Variants in TMOD2 observed in about 807,000 individuals in gnomAD.
The protein encoded by TMOD2 is tropomodulin 2, also known as tropomodulin-2.
TMOD2 carries 22 observed loss-of-function variants against 39.9 expected under a neutral mutation model. The ratio of observed to expected loss-of-function variants is 0.55; its 90% confidence interval spans 0.39 to 0.79. The LOEUF (loss-of-function observed/expected upper bound fraction) is 0.79, where lower values mean the gene tolerates loss of function less well. Ranked by LOEUF, TMOD2 falls within the 30% of genes least tolerant of loss-of-function variation. The probability of loss-of-function intolerance (pLI) is 0.00; values close to 1 mark genes in which losing one functional copy is unlikely to be tolerated. For synonymous variants in TMOD2, 123 were observed against 146.1 expected, an observed-to-expected ratio of 0.84 and a Z score of 1.14; for missense variants, 386 against 413.3, an observed-to-expected ratio of 0.93 and a Z score of 0.57.
intron 1 of TMOD2, among the ~76,000 whole-genome samples, chr15:51,762,385 A>G (rs567781508): frequency 6.6e-6 from 1 of 152,228 alleles, no homozygotes; most frequent in African/African-American, 2.4e-5. Flanking sequence ...CTTGAGCCCA[A>G]GAGGTCAAGG....
chr15:51,777,219 G>A (rs1020838643), intron 5 of TMOD2, among the ~76,000 whole-genome samples: 1 of 152,150 alleles, frequency 6.6e-6, no homozygotes, highest in Non-Finnish European at 1.5e-5. Flanking sequence ...ATCAGTGTGT[G>A]TTGCCCAGAA....
At chr15:51,802,331 T>G (rs1371755070) in intron 8 of TMOD2, among the ~76,000 whole-genome samples, 5 of 152,340 alleles carry the variant, frequency 3.3e-5, no homozygotes, top group Non-Finnish European at 5.9e-5. Context: ...GTTTCACTAC[T>G]TTGCCAGAAT....
chr15:51,764,832 A>T (rs2055805837), intron 1 of TMOD2, among the ~76,000 whole-genome samples: 1 of 152,114 alleles, frequency 6.6e-6, no homozygotes, highest in South Asian at 2.1e-4. Context: ...TCAATGTTCA[A>T]ACACAGCCTC....
At chr15:51,801,231 T>TCA (rs1182352451) in intron 8 of TMOD2, among the ~76,000 whole-genome samples, 17 of 97,418 alleles carry the variant, frequency 1.7e-4, no homozygotes, top group African/African-American at 6.9e-4. Context: ...TCTCTCTCTC[T>TCA]CTCTCTCACA....
intron 7 of TMOD2, chr15:51,783,805 G>A (rs1451585545): frequency 6.6e-6 from 1 of 151,500 alleles, no homozygotes; most frequent in Non-Finnish European, 1.5e-5. Flanking sequence ...AAGAAAAATA[G>A]CCAACTAAAA....
chr15:51,769,281 C>A (rs1465541274), intron 3 of TMOD2, among the ~76,000 whole-genome samples: 1 of 152,156 alleles, frequency 6.6e-6, no homozygotes, highest in African/African-American at 2.4e-5. Flanking sequence ...TGGTGCTTTA[C>A]CAACTTCAGA....
chr15:51,789,851 T>G (rs1220866678), intron 7 of TMOD2, among the ~76,000 whole-genome samples: 1 of 152,208 alleles, frequency 6.6e-6, no homozygotes, highest in Non-Finnish European at 1.5e-5. Flanking sequence ...CTGGGACACA[T>G]TTAAAGCAGT....
chr15:51,806,508 G>A lies in TMOD2; in HGVS notation c.1008G>A (p.Lys336=). The A allele has an allele frequency of 6.2e-7, 1 of 1,614,190 alleles. No homozygotes were observed. Among genetic ancestry groups the A allele is most frequent in the East Asian group, 2.2e-5 (1 of 44,884 alleles). The change falls in exon 9 of 10, where the codon AAG becomes AAA. Residue 336 remains lysine, a synonymous_variant. Transcript: ENST00000249700. ...CAAGGGTGGCAGCTGCCATCACAAA[G>A]AATAATGACCTGGGTAATTCAGCCA... ...PRTRVAAAIT[K]NNDLVRKKRV...
intron 1 of TMOD2, among the ~76,000 whole-genome samples, chr15:51,763,139 G>A (rs1332405694): frequency 6.6e-6 from 1 of 151,824 alleles, no homozygotes; most frequent in Non-Finnish European, 1.5e-5. Flanking sequence ...GGGTCTCACT[G>A]TGTTGCCCAG....
chr15:51,795,577 GCTTTCTTTCTTTCTTTCTTT>G lies in TMOD2; in HGVS notation c.733-2577_733-2558del, dbSNP rs202116010. Among the ~76,000 whole-genome samples, 344 of 42,068 alleles carry G rather than the reference GCTTTCTTTCTTTCTTTCTTT, an allele frequency of 8.2e-3. 5 individuals carry two copies. The highest frequency in any genetic ancestry group is 0.055 in the East Asian group (131 of 2,362). 27.6% of individuals were successfully genotyped at this position (42,068 alleles called of 152,430 possible). ...CTTCTTCTCTTCTGCTTGCTTGCTT[GCTTTCTTTCTTTCTTTCTTT>G]CTTTCTTTCTTTCTTTCTTTCTTTC... is the stretch of plus-strand genomic sequence containing the variant. On this transcript the variant is annotated intron_variant, in intron 7 of 9. Coordinates refer to ENST00000249700, the MANE Select transcript of TMOD2 (RefSeq NM_014548.4).
At chr15:51,775,637 G>A (rs958096560) in intron 4 of TMOD2, among the ~76,000 whole-genome samples, 2 of 135,238 alleles carry the variant, frequency 1.5e-5, no homozygotes, top group Non-Finnish European at 3.1e-5. Context: ...GAGTACAGTG[G>A]CACAATCTCG....
intron 7 of TMOD2, among the ~76,000 whole-genome samples, chr15:51,785,137 G>A (rs570138629): frequency 1.3e-5 from 2 of 152,156 alleles, no homozygotes; most frequent in Non-Finnish European, 2.9e-5. Context: ...TTTGGGCCGG[G>A]CGCGGTGGCT....
intron 4 of TMOD2, among the ~76,000 whole-genome samples, chr15:51,775,769 G>T (rs1411782787): frequency 1.3e-5 from 2 of 151,604 alleles, no homozygotes; most frequent in African/African-American, 4.8e-5. Flanking sequence ...GTAGAGACGG[G>T]GCTTCGCCAT....
At chr15:51,792,794 C>A (rs2056021653) in intron 7 of TMOD2, among the ~76,000 whole-genome samples, 6 of 152,120 alleles carry the variant, frequency 3.9e-5, no homozygotes, top group Admixed American at 3.9e-4. Context: ...TGTTCTCACT[C>A]ATAAGTGGGA....
intron 3 of TMOD2, among the ~76,000 whole-genome samples, chr15:51,772,158 G>C (rs2055857853): frequency 6.6e-6 from 1 of 152,170 alleles, no homozygotes; most frequent in Non-Finnish European, 1.5e-5. Context: ...TTTCCCATAG[G>C]AGTGGGATAA....
intron 8 of TMOD2, among the ~76,000 whole-genome samples, chr15:51,801,282 C>T (rs1190276923): frequency 7.3e-6 from 1 of 137,692 alleles, no homozygotes; most frequent in African/African-American, 2.7e-5. Flanking sequence ...CACACACACA[C>T]ACCCTGTCTC....
chr15:51,787,815 A>G (rs972161019), intron 7 of TMOD2, among the ~76,000 whole-genome samples: 2 of 152,220 alleles, frequency 1.3e-5, no homozygotes, highest in Non-Finnish European at 2.9e-5. Flanking sequence ...ATCAACATCA[A>G]CAGTAAGCAC....
Position 51,773,754 on chromosome 15 carries a change from A to C in TMOD2, c.326A>C (p.Lys109Thr), listed in dbSNP as rs749074350. Residue 109 changes from lysine to threonine, a missense_variant, in exon 4 of 10, where the codon AAA becomes ACA. By Grantham distance (78) the Lys-to-Thr change is moderately conservative. Transcript: ENST00000249700. ...AAAGAAAAGCCTATAGAAACTCGTA[A>C]AGAAGAAAAAGTGACCCTTGACCCA... ...IPKEKPIETRKEEKVTLDPEL... is the reference protein window; with the variant it reads ...IPKEKPIETRTEEKVTLDPEL... 6.2e-7 allele frequency: 1 copy of C among 1,613,158 alleles called. No homozygotes were observed. The highest frequency in any genetic ancestry group is 2.2e-5 in the East Asian group (1 of 44,872).
intron 3 of TMOD2, among the ~76,000 whole-genome samples, 180 bp downstream of exon 3, chr15:51,768,598 C>A (rs1037205887): frequency 6.6e-6 from 1 of 151,344 alleles, no homozygotes; most frequent in Non-Finnish European, 1.5e-5. Flanking sequence ...ATTTTATTGT[C>A]GTGGAGGGTC....
Sources: gnomAD v4.1 joint callset for allele counts (sites outside exome capture counted in the v4.1 genomes callset) on GRCh38, gnomAD v4.1.1 for gene constraint, MANE v1.5 for transcripts, NCBI Gene and HGNC (gene_info 2026-07-23, HGNC 2026-07-21) for gene names.